The following EPHA2 variants were observed in gnomAD, a reference collection of about 807,000 sequenced individuals.
The protein encoded by EPHA2 is EPH receptor A2.
In EPHA2, 54 loss-of-function variants were observed where a neutral mutation model predicts 104.9. The ratio of observed to expected loss-of-function variants is 0.51; its 90% CI spans 0.41 to 0.65. EPHA2 has a LOEUF of 0.65. Among genes scored for constraint, EPHA2 ranks in the 30% least tolerant of loss-of-function variants. EPHA2 has a pLI of 0.00. For missense variants in EPHA2, 1,117 were observed against 1,369.5 expected (o/e 0.82, Z 2.91); for synonymous variants, 560 against 559.1 (o/e 1.00, Z -0.02).
At position 16,132,082 on chromosome 1, in the gene EPHA2, C is replaced by T. The variant is rs750898152; in HGVS notation, c.2307G>A (p.Glu769=). Residue 769 remains glutamate, a synonymous_variant, in exon 13 of 17, where the codon GAG becomes GAA. Transcript: ENST00000358432. ...AACTTACACTGGTGGTGTAGGTGGC[C>T]TCGGGGTCGTCCTCCAGCACGCGGG... ...GLSRVLEDDP[E]ATYTTSGGKI... The T allele has an allele frequency of 6.2e-7, 1 of 1,614,034 alleles. No individual in the cohort carries two copies. The highest frequency in any genetic ancestry group is 1.1e-5 in the South Asian group (1 of 91,080).
rs757282530 is a variant in EPHA2 at position 16,134,537 on chromosome 1, A to G, written c.1613T>C (p.Ile538Thr). The G allele has an allele frequency of 2.5e-6, 4 of 1,614,094 alleles. No homozygotes were observed. Among genetic ancestry groups the G allele is most frequent in the East Asian group, 4.5e-5 (2 of 44,872 alleles). Residue 538 changes from isoleucine to threonine, a missense_variant, in exon 8 of 17, where the codon ATT (isoleucine) becomes ACT (threonine). Physicochemically the swap from Ile to Thr is moderately conservative, Grantham distance 89. Transcript: ENST00000358432. The surrounding 1 kb of genome is among the most constrained non-coding windows in gnomAD (Gnocchi z 4.5). ...GACCACACCGACAGCCACGCCGCCA[A>G]TCACCGCCAAGTTGCCAGATCCCTC... Reference protein sequence around the residue: ...SPEGSGNLAVIGGVAVGVVLL... With the variant: ...SPEGSGNLAVTGGVAVGVVLL...
chr1:16,156,001 G>T lies in EPHA2; in HGVS notation c.-69C>A. On this transcript the variant is annotated 5_prime_UTR_variant, in exon 1 of 17. Transcript: ENST00000358432. ...CCGCACACCCGCACGCCTGCACGCC[G>T]GCCTCGGTGTCCGCTCCCGCCCGCC... The T allele has an allele frequency of 7.5e-7, 1 of 1,329,078 alleles. No individual in the cohort carries two copies. The highest frequency in any genetic ancestry group is 9.8e-7 in the Non-Finnish European group (1 of 1,019,480). The allele number at this position is 1,329,078 out of a possible 1,614,324, so 82.3% of individuals were successfully genotyped here.
intron 1 of EPHA2, chr1:16,155,291 G>T (rs1187613224): frequency 6.6e-6 from 1 of 152,398 alleles, no homozygotes; most frequent in South Asian, 2.1e-4. Flanking sequence ...TGTGAGCAGG[G>T]ATTGGCCCGA....
intron 3 of EPHA2, among the ~76,000 whole-genome samples, chr1:16,142,784 T>TTGGTGGGTTGGTG (rs2024848804): frequency 7.1e-6 from 1 of 141,264 alleles, no homozygotes; most frequent in Non-Finnish European, 1.5e-5. Context: ...GGTTGGTGGG[T>TTGGTGGGTTGGTG]GGACAGGTGG....
intron 11 of EPHA2, 138 bp downstream of exon 11, chr1:16,133,042 T>C (rs1331232351): frequency 8.6e-6 from 10 of 1,156,840 alleles, no homozygotes; most frequent in Non-Finnish European, 1.2e-5. Flanking sequence ...TGGGGAGAAG[T>C]GGGCACAGTT....
chr1:16,134,402 A>T lies in EPHA2; in HGVS notation c.1682+66T>A. 1 of 1,523,938 alleles carries T rather than the reference A, an allele frequency of 6.6e-7. No homozygotes were observed. Among genetic ancestry groups the T allele is most frequent in the Non-Finnish European group, 9.1e-7 (1 of 1,102,590 alleles). The allele number at this position is 1,523,938 out of a possible 1,614,324, so 94.4% of individuals were successfully genotyped here. A position where few individuals can be genotyped will look rare whatever the true frequency, so the allele number is the denominator to read the frequency against. ...TGGGCCCCATCGTTCAGATGAGGAA[A>T]TGGAGGTTCCTGCCCCATTTTCCCA... is the stretch of plus-strand genomic sequence containing the variant. On this transcript the variant is annotated intron_variant, in intron 8 of 16. Coordinates refer to ENST00000358432, the MANE Select transcript of EPHA2 (RefSeq NM_004431.5). This position sits in a 1 kb window ranked among gnomAD's most constrained non-coding sequence, Gnocchi z 4.5.
chr1:16,135,598 C>T lies in EPHA2; in HGVS notation c.1428+57G>A, dbSNP rs751171082. The T allele has an allele frequency of 4.0e-6, 6 of 1,510,746 alleles. No individual in the cohort carries two copies. The highest frequency in any genetic ancestry group is 1.7e-5 in the Admixed American group (1 of 59,874). 93.6% of individuals were successfully genotyped at this position (1,510,746 alleles called of 1,614,324 possible). ...GTGGTTTGGTGATCATCTATGTGAC[C>T]AGCCTGTCCCCTGCTGTCGGCCCAG... is the stretch of plus-strand genomic sequence containing the variant. On this transcript the variant is annotated intron_variant, in intron 6 of 16. Transcript: ENST00000358432. This position sits in a 1 kb window ranked among gnomAD's most constrained non-coding sequence, Gnocchi z 4.3.
In EPHA2 at chr1:16,148,306, T is replaced by C; in HGVS notation, c.823+72A>G. On this transcript the variant is annotated intron_variant, in intron 3 of 16. Coordinates refer to ENST00000358432, the MANE Select transcript of EPHA2 (RefSeq NM_004431.5). The surrounding 1 kb of genome is among the most constrained non-coding windows in gnomAD (Gnocchi z 4.9). ...CAGGGATGAGCTTACCAAGATTCCA[T>C]GATTCCAAAGCTAAAGACCAGAACC... 6.3e-7 allele frequency: 1 copy of C among 1,589,880 alleles called. No individual in the cohort carries two copies. Among genetic ancestry groups the C allele is most frequent in the Non-Finnish European group, 8.6e-7 (1 of 1,164,166 alleles).
chr1:16,155,614 C>T (rs1437663744), intron 1 of EPHA2: 1 of 404,430 alleles, frequency 2.5e-6, no homozygotes. Flanking sequence ...TCCTCTTCTC[C>T]GCAGCCTCCG....
In EPHA2 at chr1:16,128,557, C is replaced by T. The variant is rs11260721; in HGVS notation, c.2825+877G>A. 0.71 allele frequency among the ~76,000 whole-genome samples: 107,688 copies of T among 152,212 alleles called. 44,017 individuals are homozygous for T. The highest frequency in any genetic ancestry group is 0.9 in the Non-Finnish European group (61,439 of 68,014). The stretch of plus-strand genomic sequence containing the variant: ...ACCTCCCAGCCTCCCGGTCTGTTCC[C>T]GCCATGATCTTTGACCATGCACAAG... On this transcript the variant is annotated intron_variant, in intron 16 of 16. Transcript: ENST00000358432. This position sits in a 1 kb window ranked among gnomAD's most constrained non-coding sequence, Gnocchi z 4.7.
Position 16,131,940 on chromosome 1 carries a change from C to T in EPHA2, c.2326-70G>A. 7 of 1,599,152 alleles carry T rather than the reference C, an allele frequency of 4.4e-6. No individual in the cohort carries two copies. Among genetic ancestry groups the T allele is most frequent in the Non-Finnish European group, 6.0e-6 (7 of 1,172,074 alleles). On this transcript the variant is annotated intron_variant, in intron 13 of 16. Coordinates refer to ENST00000358432, the MANE Select transcript of EPHA2 (RefSeq NM_004431.5). This position sits in a 1 kb window ranked among gnomAD's most constrained non-coding sequence, Gnocchi z 5.2. ...CCCCAGGACCATTGCAGCCAAGCCCCACGACCCCTCCCTGGACTCCTACAG... is the reference window on the plus strand; with the variant it reads ...CCCCAGGACCATTGCAGCCAAGCCCTACGACCCCTCCCTGGACTCCTACAG...
chr1:16,132,150 C>T lies in EPHA2; in HGVS notation c.2239G>A (p.Val747Ile), dbSNP rs145592908. 5.0e-4 allele frequency: 813 copies of T among 1,614,216 alleles called. No individual in the cohort carries two copies. The highest frequency in any genetic ancestry group is 4.0e-3 in the African/African-American group (297 of 75,048). The change falls in exon 13 of 17, where the codon GTC becomes ATC. Residue 747 changes from valine to isoleucine, a missense_variant. Physicochemically the swap from Val to Ile is conservative, Grantham distance 29. This residue lies in a region of EPHA2 where 340 missense variants were observed against 480.5 expected (regional missense o/e 0.71). Coordinates refer to ENST00000358432, the MANE Select transcript of EPHA2 (RefSeq NM_004431.5). ...HRDLAARNIL[V>I]NSNLVCKVSD... ...ACCTTGCAGACCAGGTTGCTGTTGA[C>T]GAGGATGTTGCGGGCAGCCAGGTCA... is the stretch of plus-strand genomic sequence containing the variant.
chr1:16,129,364 G>A (rs115050365), intron 16 of EPHA2, 70 bp downstream of exon 16: 12 of 1,557,854 alleles, frequency 7.7e-6, no homozygotes, highest in Non-Finnish European at 3.5e-6. Flanking sequence ...AGAGGGCTGG[G>A]GGGGGCATGG....
intron 1 of EPHA2, among the ~76,000 whole-genome samples, chr1:16,154,842 A>G (rs2025120503): frequency 6.6e-6 from 1 of 151,686 alleles, no homozygotes; most frequent in Non-Finnish European, 1.5e-5. Context: ...GCCTGCGGAA[A>G]CCTCGCTCTG....
intron 3 of EPHA2, among the ~76,000 whole-genome samples, chr1:16,146,702 G>A (rs546391806): frequency 1.3e-5 from 2 of 152,242 alleles, no homozygotes; most frequent in Non-Finnish European, 2.9e-5. Flanking sequence ...CAGAAAGCTC[G>A]TAGGGAACTT....
At position 16,125,108 on chromosome 1, in the gene EPHA2, G is replaced by T; in HGVS notation, c.*107C>A. On this transcript the variant is annotated 3_prime_UTR_variant, in exon 17 of 17. Transcript: ENST00000358432. The surrounding 1 kb of genome is among the most constrained non-coding windows in gnomAD (Gnocchi z 4.9). ...CAGCGGAAGTTGCAGGGGGAGGAAA[G>T]AACTAGAAATAAATAAAGTCCCCAG... 9.4e-7 allele frequency: 1 copy of T among 1,058,210 alleles called. No homozygotes were observed. Among genetic ancestry groups the T allele is most frequent in the Non-Finnish European group, 1.4e-6 (1 of 697,672 alleles). The allele number at this position is 1,058,210 out of a possible 1,614,324, so 65.6% of individuals were successfully genotyped here.
intron 16 of EPHA2, among the ~76,000 whole-genome samples, chr1:16,127,268 C>T (rs1378055606): frequency 2.0e-5 from 3 of 152,168 alleles, no homozygotes; most frequent in African/African-American, 7.2e-5. Context: ...AGCCTGTGCC[C>T]TCGACCCCCA....
rs1248906464 is a variant in EPHA2 at position 16,155,829 on chromosome 1, A to G, written c.85+19T>C. On this transcript the variant is annotated intron_variant, in intron 1 of 16. Transcript: ENST00000358432. The stretch of plus-strand genomic sequence containing the variant: ...ACTGGGGCCCGGGGGCCAGGGGTCC[A>G]GACGCCGCGCGCACTCACCTTCCTT... The G allele has an allele frequency of 1.4e-6, 2 of 1,416,182 alleles. No homozygotes were observed. Among genetic ancestry groups the G allele is most frequent in the Non-Finnish European group, 1.8e-6 (2 of 1,088,928 alleles). 87.7% of individuals were successfully genotyped at this position (1,416,182 alleles called of 1,614,324 possible).
chr1:16,144,033 C>T (rs2024880316), intron 3 of EPHA2, among the ~76,000 whole-genome samples: 1 of 152,174 alleles, frequency 6.6e-6, no homozygotes, highest in Non-Finnish European at 1.5e-5. Flanking sequence ...CACCACTCCC[C>T]ACCTCAGCCC....
Sources: gnomAD v4.1 joint callset for allele counts (sites outside exome capture counted in the v4.1 genomes callset) on GRCh38, gnomAD v4.1.1 for gene constraint, gnomAD v4.1.1 regional missense constraint, Gnocchi (gnomAD v3.1) non-coding constraint, MANE v1.5 for transcripts, NCBI Gene and HGNC (gene_info 2026-07-23, HGNC 2026-07-21) for gene names.